Variants in NRXN2 observed in about 807,000 individuals in gnomAD.
NRXN2 encodes neurexin 2, also known as neurexin-2-beta.
NRXN2 carries 29 observed loss-of-function variants against 128.8 expected under a neutral mutation model. The ratio of observed to expected loss-of-function variants is 0.23; its 90% CI spans 0.17 to 0.31. NRXN2 has a LOEUF of 0.31. NRXN2 is among the 10% of genes least tolerant of loss of function. The pLI, the probability that NRXN2 is intolerant of heterozygous loss-of-function variation, is 1.00. For synonymous variants in NRXN2, 1,098 were observed against 1,075.2 expected (o/e 1.02, Z -0.41); for missense variants, 1,881 against 2,452.6 (o/e 0.77, Z 4.92).
At chr11:64,625,298 G>T (rs1337310155) in intron 20 of NRXN2, among the ~76,000 whole-genome samples, 5 of 152,196 alleles carry the variant, frequency 3.3e-5, no homozygotes, top group Non-Finnish European at 7.3e-5. Context: ...TGAAGAGGAA[G>T]CCACAGTGTT....
At chr11:64,704,107 CAG>C (rs74839216) in intron 2 of NRXN2, among the ~76,000 whole-genome samples, 17,167 of 152,096 alleles carry the variant, frequency 0.11, 1,269 homozygotes, top group Non-Finnish European at 0.15. Context: ...CTTCTACTCA[CAG>C]AAACTGTCAG....
intron 11 of NRXN2, among the ~76,000 whole-genome samples, chr11:64,659,897 T>C (rs2048782383): frequency 1.3e-5 from 2 of 152,170 alleles, no homozygotes; most frequent in Admixed American, 1.3e-4. Context: ...GCCTTCCTCA[T>C]CTCTGTATCT....
chr11:64,625,555 G>A (rs1326539047), intron 20 of NRXN2, among the ~76,000 whole-genome samples: 1 of 152,206 alleles, frequency 6.6e-6, no homozygotes, highest in East Asian at 1.9e-4. Flanking sequence ...GAAGGCCCCA[G>A]TGGACATTTA....
rs758413239 is a variant in NRXN2 at position 64,620,340 on chromosome 11, C to T, written c.4206G>A (p.Glu1402=). 18 of 1,554,364 alleles carry T rather than the reference C, an allele frequency of 1.2e-5. No homozygotes were observed. The highest frequency in any genetic ancestry group is 9.7e-5 in the East Asian group (4 of 41,240). ...NTDDLLVASA[E]CPSDDEDLEE... is the part of the protein sequence containing the mutation. The stretch of plus-strand genomic sequence containing the variant: ...CCAGGTCCTCATCATCGCTTGGACA[C>T]TCAGCAGAGGCCACCAGCAGGTCAT... Residue 1402 remains glutamate, a synonymous_variant, in exon 22 of 23, where the codon GAG becomes GAA. Transcript: ENST00000265459.
Position 64,648,991 on chromosome 11 carries a change from G to A in NRXN2, c.3110-84C>T. 2 of 1,422,778 alleles carry A rather than the reference G, an allele frequency of 1.4e-6. No homozygotes were observed. The highest frequency in any genetic ancestry group is 1.8e-4 in the Middle Eastern group (1 of 5,714). 88.1% of individuals were successfully genotyped at this position (1,422,778 alleles called of 1,614,324 possible). A position where few individuals can be genotyped will look rare whatever the true frequency, so the allele number is the denominator to read the frequency against. ...GGCATCTGGCTGTCAGGTCCTCCCA[G>A]CCTTCTCAGGTTCTCTGCGTTCCAT... is the stretch of plus-strand genomic sequence containing the variant. On this transcript the variant is annotated intron_variant, in intron 15 of 22. Transcript: ENST00000265459. The surrounding 1 kb of genome is among the most constrained non-coding windows in gnomAD (Gnocchi z 4.1).
intron 1 of NRXN2, among the ~76,000 whole-genome samples, chr11:64,721,197 G>A (rs750825131): frequency 1.3e-5 from 2 of 151,958 alleles, no homozygotes; most frequent in Non-Finnish European, 2.9e-5. Context: ...GTGTATCATT[G>A]TCAGAGTGTC....
rs1050057769 is a variant in NRXN2, at chr11:64,622,603, G to C, written c.4173+150C>G. Reference sequence around the variant, plus strand: ...TTCCTGAAAGGTGACCTTGCCCATCGCCATGGCAACAAAGTCAGCGACAGC... The same window carrying C: ...TTCCTGAAAGGTGACCTTGCCCATCCCCATGGCAACAAAGTCAGCGACAGC... On this transcript the variant is annotated intron_variant, in intron 21 of 22. Coordinates refer to ENST00000265459, the MANE Select transcript of NRXN2 (RefSeq NM_015080.4). The surrounding 1 kb of genome is among the most constrained non-coding windows in gnomAD (Gnocchi z 4.3). The C allele has an allele frequency of 3.4e-6, 4 of 1,167,056 alleles. No homozygotes were observed. The African/African-American group carries it at 6.1e-5, about 18-fold the overall frequency. 72.3% of individuals were successfully genotyped at this position (1,167,056 alleles called of 1,614,324 possible).
At chr11:64,633,260 G>A (rs1025654445) in intron 18 of NRXN2, among the ~76,000 whole-genome samples, 6 of 152,156 alleles carry the variant, frequency 3.9e-5, no homozygotes, top group African/African-American at 1.2e-4. Flanking sequence ...GGAGCCCTAC[G>A]CCCTAACCTA....
intron 22 of NRXN2, 97 bp from the exon 23 acceptor site, chr11:64,608,179 A>C: frequency 6.5e-6 from 6 of 925,022 alleles, no homozygotes; most frequent in Non-Finnish European, 1.0e-5. Flanking sequence ...CACACACCCA[A>C]ATCGGTTCCA....
At chr11:64,638,332 G>A (rs530745342) in intron 17 of NRXN2, among the ~76,000 whole-genome samples, 2 of 152,332 alleles carry the variant, frequency 1.3e-5, no homozygotes, top group Admixed American at 1.3e-4. Flanking sequence ...AAGGATGAAT[G>A]GTTTATTGGA....
At chr11:64,678,110 TTTG>T (rs746590422) in intron 6 of NRXN2, among the ~76,000 whole-genome samples, 4 of 152,056 alleles carry the variant, frequency 2.6e-5, no homozygotes, top group Non-Finnish European at 4.4e-5. Context: ...TGTTTTTGTT[TTTG>T]TTTTCTTCTC....
rs564070403 is a variant in NRXN2, at chr11:64,685,464, G to C, written c.1152+182C>G. Among the ~76,000 whole-genome samples the C allele has an allele frequency of 2.6e-5, 4 of 152,214 alleles. No individual in the cohort carries two copies. In the South Asian group the frequency reaches 8.3e-4, roughly 32 times the overall value. The stretch of plus-strand genomic sequence containing the variant: ...TCAGCTCAGCTCCCTGGTCTCTGAA[G>C]CCTGCCAGCCACTGCAGCCTTATGT... On this transcript the variant is annotated intron_variant, in intron 6 of 22. Coordinates refer to ENST00000265459, the MANE Select transcript of NRXN2 (RefSeq NM_015080.4).
rs1357397048 is a variant in NRXN2 at position 64,635,228 on chromosome 11, G to A, written c.3585+43C>T. 1 of 1,606,604 alleles carries A rather than the reference G, an allele frequency of 6.2e-7. No individual in the cohort carries two copies. The highest frequency in any genetic ancestry group is 1.1e-5 in the South Asian group (1 of 90,884). On this transcript the variant is annotated intron_variant, in intron 18 of 22. Transcript: ENST00000265459. The surrounding 1 kb of genome is among the most constrained non-coding windows in gnomAD (Gnocchi z 4.8). ...AATGAGGGGCTGAACTGATTTGGGA[G>A]CAGGAAGCTTGAGGTTGAAGGGTTG...
At chr11:64,692,794 G>C in intron 4 of NRXN2, 53 bp downstream of exon 4, 1 of 1,609,846 alleles carries the variant, frequency 6.2e-7, no homozygotes, top group Non-Finnish European at 8.5e-7. Context: ...AGAAAATCCA[G>C]GCGCAGGTTG....
chr11:64,667,696 G>A lies in NRXN2; in HGVS notation c.1360-8C>T. 1.2e-6 allele frequency: 2 copies of A among 1,613,674 alleles called. No homozygotes were observed. Among genetic ancestry groups the A allele is most frequent in the Non-Finnish European group, 1.7e-6 (2 of 1,179,916 alleles). On this transcript the variant is annotated splice_region_variant and splice_polypyrimidine_tract_variant and intron_variant, in intron 8 of 22. Transcript: ENST00000265459. This position sits in a 1 kb window ranked among gnomAD's most constrained non-coding sequence, Gnocchi z 5.6. Reference sequence around the variant, plus strand: ...ATTGTTCTTATAGACCACCTGCAGGGAGGGGTGGGGTCAGGGATAAAGAAT... The same window carrying A: ...ATTGTTCTTATAGACCACCTGCAGGAAGGGGTGGGGTCAGGGATAAAGAAT...
chr11:64,718,547 A>G (rs1040495009), intron 1 of NRXN2, among the ~76,000 whole-genome samples: 1 of 152,162 alleles, frequency 6.6e-6, no homozygotes, highest in African/African-American at 2.4e-5. Flanking sequence ...CTGGCTGGCA[A>G]TCTAAAGCAT....
rs1265163808 is a variant in NRXN2, at chr11:64,648,683, G to A, written c.3283+51C>T. 1 of 1,607,966 alleles carries A rather than the reference G, an allele frequency of 6.2e-7. No individual in the cohort carries two copies. The highest frequency in any genetic ancestry group is 1.3e-5 in the African/African-American group (1 of 74,718). ...CTGCCCCGGTCTGCCTCTGCAGCTG[G>A]CCATCCTGTAGCCAGTAGGGCCACA... On this transcript the variant is annotated intron_variant, in intron 16 of 22. Transcript: ENST00000265459. This position sits in a 1 kb window ranked among gnomAD's most constrained non-coding sequence, Gnocchi z 4.1.
chr11:64,720,306 G>A (rs1392238268), intron 1 of NRXN2, among the ~76,000 whole-genome samples: 1 of 152,220 alleles, frequency 6.6e-6, no homozygotes, highest in African/African-American at 2.4e-5. Context: ...AGGGGCAGGG[G>A]CGAGGGAGCT....
intron 5 of NRXN2, among the ~76,000 whole-genome samples, chr11:64,690,186 A>T (rs1026351343): frequency 5.9e-5 from 9 of 152,370 alleles, no homozygotes; most frequent in African/African-American, 2.2e-4. Context: ...CATCAGAACA[A>T]CTGGGCTTTG....
Sources: gnomAD v4.1 joint callset for allele counts (sites outside exome capture counted in the v4.1 genomes callset) on GRCh38, gnomAD v4.1.1 for gene constraint, Gnocchi (gnomAD v3.1) non-coding constraint, MANE v1.5 for transcripts, NCBI Gene and HGNC (gene_info 2026-07-23, HGNC 2026-07-21) for gene names.